Variants in SLC35F3 observed in about 807,000 individuals in gnomAD.
SLC35F3 encodes the protein solute carrier family 35 member F3, also known as putative thiamine transporter SLC35F3.
In SLC35F3, 25 loss-of-function variants were observed where a neutral mutation model predicts 49.9. The ratio of observed to expected loss-of-function variants is 0.50; its 90% CI spans 0.37 to 0.70. The LOEUF is 0.70. SLC35F3 is among the 30% of genes least tolerant of loss of function. The pLI is 0.00. For synonymous variants in SLC35F3, 275 were observed against 265.4 expected, an observed-to-expected ratio of 1.04 and a Z score of -0.35; for missense variants, 525 against 639.8, an observed-to-expected ratio of 0.82 and a Z score of 1.94.
chr1:234,074,034 T>C (rs1664760037), intron 2 of SLC35F3, among the ~76,000 whole-genome samples: 2 of 152,200 alleles, frequency 1.3e-5, no homozygotes, highest in Non-Finnish European at 2.9e-5. Context: ...CTCCATCTAT[T>C]CTTCTACTGT....
chr1:234,206,464 G>T (rs1281618861), intron 2 of SLC35F3, among the ~76,000 whole-genome samples: 3 of 134,678 alleles, frequency 2.2e-5, no homozygotes, highest in Non-Finnish European at 3.2e-5. Flanking sequence ...GTTCCTGGGG[G>T]TGGGGGGGAC....
intron 2 of SLC35F3, among the ~76,000 whole-genome samples, chr1:233,946,297 A>G (rs1662512251): frequency 6.6e-6 from 1 of 152,220 alleles, no homozygotes; most frequent in Non-Finnish European, 1.5e-5. Flanking sequence ...CTCCCCACAA[A>G]TTCAGGATAC....
At chr1:234,301,724 A>T (rs1668695917) in intron 3 of SLC35F3, among the ~76,000 whole-genome samples, 2 of 152,248 alleles carry the variant, frequency 1.3e-5, no homozygotes. Flanking sequence ...ATTCTACTAT[A>T]AAAACACTTG....
chr1:234,292,152 G>A (rs1572138035), intron 3 of SLC35F3, among the ~76,000 whole-genome samples: 2 of 152,224 alleles, frequency 1.3e-5, no homozygotes, highest in South Asian at 4.1e-4. Context: ...CCTATCTGCT[G>A]CCTTTTGTGC....
chr1:233,913,961 G>A (rs1456206482), intron 2 of SLC35F3, among the ~76,000 whole-genome samples: 1 of 152,154 alleles, frequency 6.6e-6, no homozygotes, highest in Non-Finnish European at 1.5e-5. Context: ...GTGTTCTACA[G>A]GCAAGGTTAA....
At chr1:234,205,183 T>C (rs1460819409) in intron 2 of SLC35F3, among the ~76,000 whole-genome samples, 1 of 152,196 alleles carries the variant, frequency 6.6e-6, no homozygotes, top group Non-Finnish European at 1.5e-5. Context: ...TCACTCCCAT[T>C]CAGTGAGTTC....
chr1:234,121,015 C>T (rs1285983490), intron 2 of SLC35F3, among the ~76,000 whole-genome samples: 2 of 151,130 alleles, frequency 1.3e-5, no homozygotes, highest in Admixed American at 6.6e-5. Context: ...ATCTTAGGAA[C>T]AAACTTTTGA....
intron 2 of SLC35F3, among the ~76,000 whole-genome samples, chr1:233,976,822 G>T (rs977826932): frequency 1.3e-4 from 20 of 152,276 alleles, no homozygotes; most frequent in African/African-American, 3.9e-4. Context: ...TGTTCGTAAG[G>T]CTGGTCTCAA....
chr1:234,302,274 T>A (rs1668705118), intron 3 of SLC35F3, among the ~76,000 whole-genome samples: 1 of 152,142 alleles, frequency 6.6e-6, no homozygotes, highest in Non-Finnish European at 1.5e-5. Flanking sequence ...GGGACTGTGC[T>A]AAGTTGGAAG....
intron 3 of SLC35F3, among the ~76,000 whole-genome samples, chr1:234,281,651 C>T (rs1339198935): frequency 6.6e-6 from 1 of 152,184 alleles, no homozygotes; most frequent in Non-Finnish European, 1.5e-5. Flanking sequence ...TAAATCTATG[C>T]AAACAAAGTA....
chr1:234,216,066 A>G (rs1161756217), intron 2 of SLC35F3, among the ~76,000 whole-genome samples: 1 of 152,146 alleles, frequency 6.6e-6, no homozygotes, highest in Non-Finnish European at 1.5e-5. Flanking sequence ...GATATCAGCC[A>G]TCTACACCTG....
intron 2 of SLC35F3, among the ~76,000 whole-genome samples, chr1:234,112,287 G>T (rs1001291307): frequency 2.0e-5 from 3 of 152,154 alleles, no homozygotes; most frequent in African/African-American, 7.2e-5. Flanking sequence ...GGAGTAGTTC[G>T]AGGCTGCAGT....
At chr1:234,310,440 G>T (rs770663143) in intron 4 of SLC35F3, among the ~76,000 whole-genome samples, 5 of 152,178 alleles carry the variant, frequency 3.3e-5, no homozygotes, top group Non-Finnish European at 5.9e-5. Flanking sequence ...TTTTTAGCTC[G>T]CAGTAGGGGG....
Position 234,178,425 on chromosome 1 carries a change from A to C in SLC35F3, c.284-52992A>C, listed in dbSNP as rs2102922296. 2.0e-5 allele frequency among the ~76,000 whole-genome samples: 3 copies of C among 151,310 alleles called. No homozygotes were observed. The East Asian group carries it at 5.8e-4, about 29-fold the overall frequency. ...TCTCATTGACCTTCTCAGAAGTCTT[A>C]GGAGATAGGTCAGGAAGCTTCTACC... On this transcript the variant is annotated intron_variant, in intron 2 of 7. Transcript: ENST00000366618.
chr1:233,910,172 A>C (rs1229540611), intron 2 of SLC35F3, among the ~76,000 whole-genome samples: 2 of 152,260 alleles, frequency 1.3e-5, no homozygotes, highest in Non-Finnish European at 2.9e-5. Context: ...TTGCCCCAGT[A>C]GAAGAGAAAT....
chr1:233,976,873 A>G (rs1312644627), intron 2 of SLC35F3, among the ~76,000 whole-genome samples: 1 of 152,120 alleles, frequency 6.6e-6, no homozygotes, highest in African/African-American at 2.4e-5. Context: ...GGCCTCCCCA[A>G]GTGCTGGAAT....
intron 2 of SLC35F3, among the ~76,000 whole-genome samples, chr1:234,120,670 G>T (rs980904052): frequency 6.6e-6 from 1 of 152,226 alleles, no homozygotes; most frequent in African/African-American, 2.4e-5. Context: ...CAGCAAGAGC[G>T]TGAAGCTCAA....
chr1:234,024,164 G>C (rs1201146655), intron 2 of SLC35F3, among the ~76,000 whole-genome samples: 1 of 151,934 alleles, frequency 6.6e-6, no homozygotes, highest in South Asian at 2.1e-4. Context: ...AACCCTTTAT[G>C]CTATCTTTTC....
intron 2 of SLC35F3, among the ~76,000 whole-genome samples, chr1:233,928,275 T>G (rs10797503): frequency 0.46 from 70,272 of 152,002 alleles, 17,096 homozygotes; most frequent in Middle Eastern, 0.55. Flanking sequence ...ATGGGTTCTG[T>G]AAGAGGTAAT....
Sources: allele counts gnomAD v4.1 joint callset (sites outside exome capture counted in the v4.1 genomes callset), GRCh38; gene constraint gnomAD v4.1.1; transcripts MANE v1.5; gene names NCBI Gene and HGNC (gene_info 2026-07-23, HGNC 2026-07-21).